Variants in CCDC171 observed in about 807,000 individuals in gnomAD.
The protein encoded by CCDC171 is coiled-coil domain containing 171.
Under a neutral mutation model 168.2 loss-of-function variants are expected in CCDC171, and 177 were observed. That is an observed-to-expected ratio of 1.05 (90% confidence interval 0.93 to 1.19). The LOEUF (loss-of-function observed/expected upper bound fraction) is 1.19. Among genes scored for constraint, CCDC171 ranks in the 50% most tolerant of loss-of-function variants. The pLI is 0.00. For synonymous variants in CCDC171, 687 were observed against 540.8 expected (o/e 1.27, Z -3.75); for missense variants, 1,991 against 1,539.0 (o/e 1.29, Z -4.91).
At chr9:15,556,619 C>T (rs1187180454) in intron 1 of CCDC171, among the ~76,000 whole-genome samples, 1 of 151,938 alleles carries the variant, frequency 6.6e-6, no homozygotes, top group Non-Finnish European at 1.5e-5. Flanking sequence ...TGTTTAAGTT[C>T]TTTGTAGATT....
intron 25 of CCDC171, among the ~76,000 whole-genome samples, chr9:15,961,314 T>C (rs1027296090): frequency 6.6e-6 from 1 of 152,144 alleles, no homozygotes; most frequent in South Asian, 2.1e-4. Flanking sequence ...TCTTCAGTAA[T>C]GAAATAGTGG....
intron 1 of CCDC171, among the ~76,000 whole-genome samples, chr9:16,047,476 C>T (rs950327840): frequency 7.9e-5 from 12 of 152,204 alleles, no homozygotes; most frequent in African/African-American, 2.9e-4. Context: ...AGTCATTCCT[C>T]GATTATCACT....
At position 15,821,077 on chromosome 9, in the gene CCDC171, G is replaced by T. The variant is rs552027091; in HGVS notation, c.3268-25625G>T. On this transcript the variant is annotated intron_variant, in intron 21 of 25. Coordinates refer to ENST00000380701, the MANE Select transcript of CCDC171 (RefSeq NM_173550.4). ...AATCCAGCATATAAACAGACCCAAA[G>T]ACAAAAATCACATGATTATCTCAAT... Among the ~76,000 whole-genome samples the T allele has an allele frequency of 2.6e-4, 31 of 117,036 alleles. 5 individuals carry two copies. The highest frequency in any genetic ancestry group is 8.0e-4 in the African/African-American group (25 of 31,218). The allele number at this position is 117,036 out of a possible 152,430, so 76.8% of individuals were successfully genotyped here. A position where few individuals can be genotyped will look rare whatever the true frequency, so the allele number is the denominator to read the frequency against.
chr9:16,097,077 G>A, the CCDC171 span, among the ~76,000 whole-genome samples: 1 of 152,176 alleles, frequency 6.6e-6, no homozygotes, highest in East Asian at 1.9e-4. Context: ...GAGAAGGCAC[G>A]ATGCAAAATG....
At chr9:15,771,920 C>T (rs1040708148) in intron 18 of CCDC171, among the ~76,000 whole-genome samples, 2 of 152,092 alleles carry the variant, frequency 1.3e-5, no homozygotes, top group African/African-American at 4.8e-5. Flanking sequence ...GCAACCTCTG[C>T]CTCCCGGGTT....
At chr9:16,039,884 G>A (rs1350776682), upstream of CCDC171, among the ~76,000 whole-genome samples, 7 of 152,154 alleles carry the variant, frequency 4.6e-5, no homozygotes, top group Admixed American at 4.6e-4. Context: ...TGGAGGTGGA[G>A]TTGTGTTCAT....
the CCDC171 span, among the ~76,000 whole-genome samples, chr9:16,089,485 T>G: frequency 6.6e-6 from 1 of 151,744 alleles, no homozygotes; most frequent in Non-Finnish European, 1.5e-5. Context: ...TGCCTAGGTT[T>G]TCTTCTAGAG....
chr9:15,980,386 C>G (rs769965671), intron 3 of CCDC171, among the ~76,000 whole-genome samples: 12 of 152,124 alleles, frequency 7.9e-5, no homozygotes, highest in Non-Finnish European at 1.2e-4. Context: ...GTCCCCCTAG[C>G]CCCAGTGATC....
chr9:15,749,413 C>T (rs575882145), intron 18 of CCDC171, among the ~76,000 whole-genome samples: 7 of 152,178 alleles, frequency 4.6e-5, no homozygotes, highest in South Asian at 2.1e-4. Context: ...GACAGATCAA[C>T]GAGACAGAAA....
chr9:15,630,164 T>A (rs576364806), intron 7 of CCDC171, among the ~76,000 whole-genome samples: 10 of 152,252 alleles, frequency 6.6e-5, no homozygotes, highest in Admixed American at 5.9e-4. Flanking sequence ...CAGGATCAAA[T>A]TCACACATAA....
chr9:15,605,588 G>A (rs1052023431), intron 6 of CCDC171, among the ~76,000 whole-genome samples: 6 of 150,502 alleles, frequency 4.0e-5, no homozygotes, highest in African/African-American at 1.2e-4. Context: ...TCAGGAGGCT[G>A]AGGCAGGAGA....
Position 15,695,375 on chromosome 9 carries a change from A to G in CCDC171, c.1318+38A>G, listed in dbSNP as rs372720432. The stretch of plus-strand genomic sequence containing the variant: ...TATAAAATGACAGATGCATCTGTCA[A>G]TGTTCCAAAGTCACTACATTTTGGG... On this transcript the variant is annotated intron_variant, in intron 11 of 25. Transcript: ENST00000380701. 72 of 1,436,896 alleles carry G rather than the reference A, an allele frequency of 5.0e-5. No homozygotes were observed. The African/African-American group carries it at 8.1e-4, about 16-fold the overall frequency. The allele number at this position is 1,436,896 out of a possible 1,614,324, so 89.0% of individuals were successfully genotyped here.
At chr9:15,747,494 A>G (rs949142706) in intron 18 of CCDC171, among the ~76,000 whole-genome samples, 33 of 152,316 alleles carry the variant, frequency 2.2e-4, no homozygotes, top group African/African-American at 7.2e-4. Flanking sequence ...CACCTCTTAC[A>G]GGAGAGCTCT....
At chr9:15,998,551 G>C (rs1832440077) in intron 3 of CCDC171, among the ~76,000 whole-genome samples, 1 of 152,140 alleles carries the variant, frequency 6.6e-6, no homozygotes, top group Non-Finnish European at 1.5e-5. Flanking sequence ...AGTCTTTCCA[G>C]GATAGCAGAG....
At chr9:15,594,206 A>G (rs755485980) in intron 6 of CCDC171, 34 bp downstream of exon 6, 3 of 1,112,206 alleles carry the variant, frequency 2.7e-6, no homozygotes, top group Non-Finnish European at 3.9e-6. Context: ...TTAAATATAT[A>G]TTTTTAATGC....
At chr9:15,665,855 A>C (rs185258624) in intron 8 of CCDC171, among the ~76,000 whole-genome samples, 1 of 152,336 alleles carries the variant, frequency 6.6e-6, no homozygotes, top group East Asian at 1.9e-4. Flanking sequence ...TAAAAATTTG[A>C]AACTTTGAAA....
chr9:15,625,503 A>T (rs2044992379), intron 7 of CCDC171, among the ~76,000 whole-genome samples: 1 of 152,208 alleles, frequency 6.6e-6, no homozygotes, highest in African/African-American at 2.4e-5. Context: ...ATAAGGTGTA[A>T]GGAAGGGATC....
intron 21 of CCDC171, among the ~76,000 whole-genome samples, chr9:15,804,960 A>G (rs1021026338): frequency 2.6e-5 from 4 of 151,952 alleles, no homozygotes; most frequent in East Asian, 1.9e-4. Context: ...CAGGGATTCA[A>G]TTTCTTCCTG....
intron 21 of CCDC171, among the ~76,000 whole-genome samples, chr9:15,823,338 TA>T (rs1253327869): frequency 3.9e-5 from 6 of 151,910 alleles, no homozygotes; most frequent in Non-Finnish European, 7.4e-5. Flanking sequence ...AATAAAATAT[TA>T]AAAAAAGAAA....
Sources: allele counts gnomAD v4.1 joint callset (sites outside exome capture counted in the v4.1 genomes callset), GRCh38; gene constraint gnomAD v4.1.1; transcripts MANE v1.5; gene names NCBI Gene and HGNC (gene_info 2026-07-23, HGNC 2026-07-21).